The following PACRG variants were observed in gnomAD, a reference collection of about 807,000 sequenced individuals.
The protein encoded by PACRG is parkin coregulated gene protein.
In PACRG, 29 loss-of-function variants were observed where a neutral mutation model predicts 29.7. That is an observed-to-expected ratio of 0.98 (90% CI 0.73 to 1.33). The LOEUF is 1.33. Among genes scored for constraint, PACRG ranks in the 40% most tolerant of loss-of-function variants. The probability of loss-of-function intolerance (pLI) is 0.00; values close to 1 mark genes in which losing one functional copy is unlikely to be tolerated. For synonymous variants in PACRG, 116 were observed against 118.7 expected, an observed-to-expected ratio of 0.98 and a Z score of 0.15; for missense variants, 279 against 316.2, an observed-to-expected ratio of 0.88 and a Z score of 0.89.
chr6:163,004,701 A>AGTGT (rs374627693), intron 2 of PACRG, among the ~76,000 whole-genome samples: 19,662 of 131,250 alleles, frequency 0.15, 1,649 homozygotes, highest in East Asian at 0.28. Context: ...ACAAAGTTCT[A>AGTGT]GTGTGTGTGT....
At chr6:163,006,070 C>A in intron 2 of PACRG, among the ~76,000 whole-genome samples, 1 of 140,026 alleles carries the variant, frequency 7.1e-6, no homozygotes, top group African/African-American at 2.6e-5. Context: ...ATATATATAA[C>A]TATATATGGG....
At chr6:163,268,416 A>AAAAAAAAAGT (rs2128178248) in intron 4 of PACRG, among the ~76,000 whole-genome samples, 1 of 152,176 alleles carries the variant, frequency 6.6e-6, no homozygotes, top group South Asian at 2.1e-4. Flanking sequence ...AAAAAAAAAG[A>AAAAAAAAAGT]AAGTATTGAA....
chr6:163,074,698 C>T (rs1812383053), intron 3 of PACRG, among the ~76,000 whole-genome samples: 1 of 151,956 alleles, frequency 6.6e-6, no homozygotes, highest in Admixed American at 6.6e-5. Flanking sequence ...TATGTACCTA[C>T]AAAAAATAAA....
intron 2 of PACRG, among the ~76,000 whole-genome samples, chr6:162,870,570 C>G: frequency 6.6e-6 from 1 of 152,158 alleles, no homozygotes; most frequent in East Asian, 1.9e-4. Flanking sequence ...TTATTCCTGA[C>G]CCCCTTCCCA....
intron 4 of PACRG, among the ~76,000 whole-genome samples, chr6:163,107,924 G>T (rs1815474815): frequency 6.6e-6 from 1 of 152,142 alleles, no homozygotes; most frequent in South Asian, 2.1e-4. Context: ...ATGCAAGTTT[G>T]CATTTCAAGT....
chr6:163,292,471 G>T (rs935227301), intron 4 of PACRG, among the ~76,000 whole-genome samples: 3 of 152,120 alleles, frequency 2.0e-5, no homozygotes, highest in Non-Finnish European at 2.9e-5. Flanking sequence ...GCACGATCTC[G>T]GCTCACTGCA....
chr6:163,284,325 C>G (rs1784319672), intron 4 of PACRG, among the ~76,000 whole-genome samples: 1 of 152,150 alleles, frequency 6.6e-6, no homozygotes, highest in Non-Finnish European at 1.5e-5. Context: ...GACCTCAGTC[C>G]CAGACTGTCA....
At chr6:162,757,071 G>A (rs976670976) in intron 1 of PACRG, among the ~76,000 whole-genome samples, 1 of 151,636 alleles carries the variant, frequency 6.6e-6, no homozygotes, top group Non-Finnish European at 1.5e-5. Flanking sequence ...TATGTTCTAT[G>A]TTGCTATTTA....
At chr6:163,197,434 CTTTTTTTTTTTT>C (rs57942658) in intron 4 of PACRG, among the ~76,000 whole-genome samples, 1 of 106,240 alleles carries the variant, frequency 9.4e-6, no homozygotes, top group African/African-American at 3.5e-5. Context: ...CTTTTCTTTT[CTTTTTTTTTTTT>C]TTTTTTTTTT....
chr6:162,962,971 CTCTAGGGTCA>C (rs1304041785), intron 2 of PACRG, among the ~76,000 whole-genome samples: 1 of 152,112 alleles, frequency 6.6e-6, no homozygotes, highest in Non-Finnish European at 1.5e-5. Flanking sequence ...ATTAGAAGAC[CTCTAGGGTCA>C]CTTTGAGGGA....
At chr6:163,209,236 C>T (rs1212277257) in intron 4 of PACRG, among the ~76,000 whole-genome samples, 1 of 152,202 alleles carries the variant, frequency 6.6e-6, no homozygotes, top group East Asian at 1.9e-4. Flanking sequence ...ATCCAAATTT[C>T]TCAGTAGCCT....
chr6:163,287,751 A>C (rs1409426079), intron 4 of PACRG, among the ~76,000 whole-genome samples: 1 of 152,222 alleles, frequency 6.6e-6, no homozygotes, highest in Admixed American at 6.5e-5. Context: ...ACAGAGAAAA[A>C]TAATTGAACG....
At chr6:163,184,105 A>C (rs986674844) in intron 4 of PACRG, among the ~76,000 whole-genome samples, 1 of 152,230 alleles carries the variant, frequency 6.6e-6, no homozygotes, top group African/African-American at 2.4e-5. Context: ...CCAGTTGAAA[A>C]TAGAATCTCC....
chr6:162,908,102 A>T (rs563181789), intron 2 of PACRG, among the ~76,000 whole-genome samples: 2 of 152,298 alleles, frequency 1.3e-5, no homozygotes, highest in South Asian at 2.1e-4. Context: ...CTGTCTTGTG[A>T]TTTTTAAGTC....
At chr6:163,216,008 G>T (rs1249851054) in intron 4 of PACRG, among the ~76,000 whole-genome samples, 1 of 152,204 alleles carries the variant, frequency 6.6e-6, no homozygotes, top group Non-Finnish European at 1.5e-5. Context: ...TGTAGGATGT[G>T]CTCATCAGAA....
chr6:163,272,424 A>T (rs1198238493), intron 4 of PACRG, among the ~76,000 whole-genome samples: 2 of 152,016 alleles, frequency 1.3e-5, no homozygotes, highest in Non-Finnish European at 2.9e-5. Context: ...AATTTTAGAA[A>T]ATTTACAATC....
At chr6:162,735,937 G>T (rs1780132565) in intron 1 of PACRG, among the ~76,000 whole-genome samples, 1 of 152,202 alleles carries the variant, frequency 6.6e-6, no homozygotes, top group South Asian at 2.1e-4. Flanking sequence ...TGTAATTAAA[G>T]TAGAAAGCTT....
At chr6:162,769,368 G>A (rs73601963) in intron 1 of PACRG, among the ~76,000 whole-genome samples, 2,006 of 151,784 alleles carry the variant, frequency 0.013, 59 homozygotes, top group African/African-American at 0.046. Flanking sequence ...GGGGACAAAC[G>A]TTATTTACTC....
chr6:162,874,282 A>G (rs1449551189), intron 2 of PACRG, among the ~76,000 whole-genome samples: 2 of 151,910 alleles, frequency 1.3e-5, no homozygotes. Flanking sequence ...AATAAGACAA[A>G]CTATTTTAAT....
Sources: gnomAD v4.1 joint callset for allele counts (sites outside exome capture counted in the v4.1 genomes callset) on GRCh38, gnomAD v4.1.1 for gene constraint, MANE v1.5 for transcripts, NCBI Gene and HGNC (gene_info 2026-07-23, HGNC 2026-07-21) for gene names.